PRC1: variants seen among roughly 807,000 people sequenced by gnomAD.
PRC1 encodes anaphase spindle elongation 1 homolog.
In PRC1, 54 loss-of-function variants were observed where a neutral mutation model predicts 91.2. The ratio of observed to expected loss-of-function variants is 0.59; its 90% CI spans 0.48 to 0.74. The LOEUF (loss-of-function observed/expected upper bound fraction) is 0.74. Among genes scored for constraint, PRC1 ranks in the 30% least tolerant of loss-of-function variants. The pLI is 0.00. For missense variants in PRC1, 727 were observed against 746.2 expected (o/e 0.97, Z 0.30); for synonymous variants, 275 against 263.6 (o/e 1.04, Z -0.42).
rs2037666088 is a variant in PRC1, at chr15:90,967,898, G to A, written c.1792-696C>T. ...AGTAGGCAACAAGCTTTGGTCTCTT[G>A]AGCCCTTTATAAAACAATGGGCCAG... On this transcript the variant is annotated intron_variant, in intron 14 of 14. Transcript: ENST00000394249. 3 of 985,340 alleles carry A rather than the reference G, an allele frequency of 3.0e-6. No individual in the cohort carries two copies. In the South Asian group the frequency reaches 1.4e-4, roughly 46 times the overall value. The allele number at this position is 985,340 out of a possible 1,614,324, so 61.0% of individuals were successfully genotyped here. A position where few individuals can be genotyped will look rare whatever the true frequency, so the allele number is the denominator to read the frequency against.
At position 90,981,868 on chromosome 15, in the gene PRC1, T is replaced by G. The variant is rs774896207; in HGVS notation, c.381A>C (p.Gln127His). The G allele has an allele frequency of 6.2e-7, 1 of 1,614,240 alleles. No individual in the cohort carries two copies. The highest frequency in any genetic ancestry group is 8.5e-7 in the Non-Finnish European group (1 of 1,180,038). Residue 127 changes from glutamine (Q) to histidine (H), a missense_variant, in exon 4 of 15, where the codon CAA becomes CAC. Gln to His is a conservative substitution (Grantham distance 24, BLOSUM62 0). Transcript: ENST00000394249. ...AAAGAATTTCGCACAGTTCTTGATC[T>G]TGCTCTTGAAGTAGCTTCAGTTCCT... ...RKQELKLLQE[Q>H]DQELCEILCM...
At chr15:90,978,311 A>G (rs955451281) in intron 8 of PRC1, among the ~76,000 whole-genome samples, 3 of 152,240 alleles carry the variant, frequency 2.0e-5, no homozygotes, top group African/African-American at 7.2e-5. Flanking sequence ...TAACAGAACC[A>G]GAATTTACCT....
intron 14 of PRC1, chr15:90,968,273 C>T: frequency 1.0e-6 from 1 of 985,472 alleles, no homozygotes; most frequent in Non-Finnish European, 1.2e-6. Flanking sequence ...GAAGCACCAC[C>T]AGCCACGTAA....
At chr15:90,972,281 G>A (rs1354620327) in intron 11 of PRC1, among the ~76,000 whole-genome samples, 1 of 151,652 alleles carries the variant, frequency 6.6e-6, no homozygotes, top group African/African-American at 2.4e-5. Context: ...CTACATGGGA[G>A]GCTGAGGTTA....
Position 90,984,876 on chromosome 15 carries a change from A to G in PRC1, c.12-51T>C, listed in dbSNP as rs754346111. ...TAGTTACATCAGTCACAGCCTCTGG[A>G]CTAAAAGCACTATTTTCGAGAACTA... On this transcript the variant is annotated intron_variant, in intron 1 of 14. Coordinates refer to ENST00000394249, the MANE Select transcript of PRC1 (RefSeq NM_003981.4). The surrounding 1 kb of genome is among the most constrained non-coding windows in gnomAD (Gnocchi z 5.1). 37 of 1,591,774 alleles carry G rather than the reference A, an allele frequency of 2.3e-5. No individual in the cohort carries two copies. In the South Asian group the frequency reaches 4.2e-4, roughly 18 times the overall value.
chr15:90,970,384 T>G lies in PRC1; in HGVS notation c.1572+20A>C, dbSNP rs1179204262. 6.5e-7 allele frequency: 1 copy of G among 1,544,916 alleles called. No individual in the cohort carries two copies. The highest frequency in any genetic ancestry group is 8.9e-7 in the Non-Finnish European group (1 of 1,117,666). On this transcript the variant is annotated intron_variant, in intron 12 of 14. Coordinates refer to ENST00000394249, the MANE Select transcript of PRC1 (RefSeq NM_003981.4). ...CTAGGGACGCATGTGAGGATGTGCT[T>G]AGACACAGGGCATACTAACCTTGCT... is the stretch of plus-strand genomic sequence containing the variant.
chr15:90,973,237 C>T (rs1404559610), intron 11 of PRC1: 1 of 152,378 alleles, frequency 6.6e-6, no homozygotes, highest in Non-Finnish European at 1.5e-5. Flanking sequence ...AGCCCCAACC[C>T]TGTGCTCACA....
intron 11 of PRC1, among the ~76,000 whole-genome samples, chr15:90,972,285 G>A (rs2038224454): frequency 6.6e-6 from 1 of 151,188 alleles, no homozygotes; most frequent in African/African-American, 2.4e-5. Flanking sequence ...ATGGGAGGCT[G>A]AGGTTAGAGA....
intron 1 of PRC1, among the ~76,000 whole-genome samples, chr15:90,994,037 A>T (rs1438257350): frequency 6.6e-6 from 1 of 152,206 alleles, no homozygotes; most frequent in Non-Finnish European, 1.5e-5. Flanking sequence ...GCGGCACCTG[A>T]GACGCTGCGG....
At chr15:90,967,392 G>C (rs1028263190) in intron 14 of PRC1, 190 bp from the exon 15 acceptor site, 3 of 600,872 alleles carry the variant, frequency 5.0e-6, no homozygotes, top group Non-Finnish European at 8.9e-6. Context: ...CACAGACAGA[G>C]TGCATGTGCA....
At chr15:90,979,975 T>G (rs777816224) in intron 7 of PRC1, among the ~76,000 whole-genome samples, 2 of 152,246 alleles carry the variant, frequency 1.3e-5, no homozygotes, top group Admixed American at 6.5e-5. Flanking sequence ...TGCTTTTTCA[T>G]ACAGGAATGG....
chr15:90,981,112 G>A, intron 5 of PRC1, 79 bp from the exon 6 acceptor site: 1 of 1,566,350 alleles, frequency 6.4e-7, no homozygotes. Flanking sequence ...GCAAAGAAAT[G>A]TCTGGAGTAG....
In PRC1 at chr15:90,981,630, T is replaced by C; in HGVS notation, c.541A>G (p.Ile181Val). 4 of 1,614,088 alleles carry C rather than the reference T, an allele frequency of 2.5e-6. No homozygotes were observed. In the South Asian group the frequency reaches 4.4e-5, roughly 18 times the overall value. Residue 181 changes from isoleucine (I) to valine (V), a missense_variant, in exon 5 of 15, where the codon ATC becomes GTC. Transcript: ENST00000394249. ...TCTAATGCTTCCATACACAGTATGATCTGTCTCTTTATACTGACAAACTCC... is the reference window on the plus strand; with the variant it reads ...TCTAATGCTTCCATACACAGTATGACCTGTCTCTTTATACTGACAAACTCC... ...REEFVSIKRQIILCMEALDHT... is the reference protein window; with the variant it reads ...REEFVSIKRQVILCMEALDHT...
Position 90,981,653 on chromosome 15 carries a change from T to G in PRC1, c.518A>C (p.Glu173Ala). 6.2e-7 allele frequency: 1 copy of G among 1,614,020 alleles called. No homozygotes were observed. Among genetic ancestry groups the G allele is most frequent in the African/African-American group, 1.3e-5 (1 of 75,044 alleles). The change falls in exon 5 of 15, where the codon GAG (glutamate) becomes GCG (alanine). Residue 173 changes from glutamate to alanine, a missense_variant. Transcript: ENST00000394249. ...GATCTGTCTCTTTATACTGACAAAC[T>G]CCTCACGCCTAGAAGCCTTTAAAAC... The part of the protein sequence containing the change: ...LRETKASRRE[E>A]FVSIKRQIIL...
chr15:90,988,019 G>A (rs1296968010), intron 1 of PRC1: 1 of 152,012 alleles, frequency 6.6e-6, no homozygotes, highest in African/African-American at 2.4e-5. Flanking sequence ...AAGAATTTAC[G>A]GTACTCCCTT....
chr15:90,970,095 C>T (rs34185899), intron 12 of PRC1, among the ~76,000 whole-genome samples: 8,916 of 152,078 alleles, frequency 0.059, 318 homozygotes, highest in South Asian at 0.15. Flanking sequence ...ATGTAGGGGA[C>T]CTATCTCCAT....
chr15:90,991,208 G>A (rs951453583), intron 1 of PRC1, among the ~76,000 whole-genome samples: 1 of 151,600 alleles, frequency 6.6e-6, no homozygotes, highest in Non-Finnish European at 1.5e-5. Context: ...CTGAGATCAG[G>A]AGCTCGAGAC....
chr15:90,982,222 C>T lies in PRC1; in HGVS notation c.268-241G>A, dbSNP rs970936681. The T allele has an allele frequency of 4.5e-4, 248 of 554,294 alleles. 5 individuals are homozygous for T. The highest frequency in any genetic ancestry group is 1.2e-3 in the Admixed American group (35 of 29,534). 34.3% of individuals were successfully genotyped at this position (554,294 alleles called of 1,614,324 possible). A position where few individuals can be genotyped will look rare whatever the true frequency, so the allele number is the denominator to read the frequency against. ...AAAACTTGTGGTAGAACACATATAA[C>T]ATAAAATTTACCATCTTAACCATTA... On this transcript the variant is annotated intron_variant, in intron 3 of 14. Coordinates refer to ENST00000394249, the MANE Select transcript of PRC1 (RefSeq NM_003981.4).
intron 7 of PRC1, among the ~76,000 whole-genome samples, chr15:90,979,738 A>G (rs989694600): frequency 1.3e-5 from 2 of 152,206 alleles, no homozygotes; most frequent in African/African-American, 4.8e-5. Flanking sequence ...GCTCAAACGT[A>G]GGCTCTGGCA....
Sources: gnomAD v4.1 joint callset for allele counts (sites outside exome capture counted in the v4.1 genomes callset) on GRCh38, gnomAD v4.1.1 for gene constraint, Gnocchi (gnomAD v3.1) non-coding constraint, MANE v1.5 for transcripts, NCBI Gene and HGNC (gene_info 2026-07-23, HGNC 2026-07-21) for gene names.